GALNT13: variants seen among roughly 807,000 people sequenced by gnomAD.
GALNT13 encodes the protein polypeptide N-acetylgalactosaminyltransferase 13.
In GALNT13, 28 loss-of-function variants were observed where a neutral mutation model predicts 64.2. The observed-to-expected ratio is 0.44, with a 90% CI of 0.32 to 0.60. GALNT13 has a LOEUF of 0.60. Ranked by LOEUF, GALNT13 falls within the 20% of genes least tolerant of loss-of-function variation. The pLI is 0.05. For synonymous variants in GALNT13, 214 were observed against 224.6 expected (o/e 0.95, Z 0.42); for missense variants, 577 against 669.8 (o/e 0.86, Z 1.53).
At chr2:154,109,119 A>C (rs1249051551) in intron 3 of GALNT13, among the ~76,000 whole-genome samples, 1 of 152,110 alleles carries the variant, frequency 6.6e-6, no homozygotes, top group Non-Finnish European at 1.5e-5. Context: ...TGTTTAGATC[A>C]CTTTGGGTAG....
chr2:153,950,090 T>C lies in GALNT13; in HGVS notation c.142+5451T>C, dbSNP rs187482716. ...GCAAAAAAATTGATAAATTTGACTA[T>C]GTTAAACTTGAGAAAGTTAGTTCAT... is the stretch of plus-strand genomic sequence containing the variant. On this transcript the variant is annotated intron_variant, in intron 3 of 12. Coordinates refer to ENST00000392825, the MANE Select transcript of GALNT13 (RefSeq NM_052917.4). Among the ~76,000 whole-genome samples, 3 of 152,086 alleles carry C rather than the reference T, an allele frequency of 2.0e-5. No homozygotes were observed. In the East Asian group the frequency reaches 5.8e-4, roughly 29 times the overall value.
intron 7 of GALNT13, among the ~76,000 whole-genome samples, chr2:154,249,984 C>A (rs1045870836): frequency 3.3e-5 from 5 of 151,996 alleles, no homozygotes; most frequent in Non-Finnish European, 7.4e-5. Flanking sequence ...CATATATTAT[C>A]TCCTCTATCA....
At chr2:154,094,994 T>C (rs538626224) in intron 3 of GALNT13, among the ~76,000 whole-genome samples, 6 of 152,026 alleles carry the variant, frequency 3.9e-5, no homozygotes, top group African/African-American at 9.6e-5. Flanking sequence ...TGAATCCAGG[T>C]CCAGTTTAAA....
chr2:153,406,535 G>C, the GALNT13 span, among the ~76,000 whole-genome samples: 1 of 152,030 alleles, frequency 6.6e-6, no homozygotes, highest in Non-Finnish European at 1.5e-5. Flanking sequence ...AGTCACCTGA[G>C]TAGCTGGGAT....
In GALNT13 at chr2:154,383,002, G is replaced by A. The variant is rs972381824; in HGVS notation, c.1157-12989G>A. ...GTACTTTGGGGTTAGAAAAATCCAC[G>A]GGCCAAGACCTTAAATGATACCTCT... On this transcript the variant is annotated intron_variant, in intron 9 of 12. Transcript: ENST00000392825. Among the ~76,000 whole-genome samples, 8 of 151,746 alleles carry A rather than the reference G, an allele frequency of 5.3e-5. No individual in the cohort carries two copies. In the East Asian group the frequency reaches 1.2e-3, roughly 22 times the overall value.
intron 3 of GALNT13, among the ~76,000 whole-genome samples, chr2:153,999,900 T>C (rs1418233303): frequency 6.6e-6 from 1 of 151,796 alleles, no homozygotes; most frequent in Non-Finnish European, 1.5e-5. Flanking sequence ...GTATTAGTTC[T>C]TTTTTTTAAA....
At chr2:153,264,396 A>G in the GALNT13 span, among the ~76,000 whole-genome samples, 12 of 152,236 alleles carry the variant, frequency 7.9e-5, no homozygotes, top group South Asian at 1.7e-3. Context: ...TCAAAGACCT[A>G]GAGACAGAAA....
the GALNT13 span, among the ~76,000 whole-genome samples, chr2:153,072,772 G>C: frequency 6.6e-6 from 1 of 152,168 alleles, no homozygotes; most frequent in African/African-American, 2.4e-5. Context: ...TTCCCAATTA[G>C]TGATGTCCTT....
At chr2:153,655,038 G>T in the GALNT13 span, among the ~76,000 whole-genome samples, 2 of 152,078 alleles carry the variant, frequency 1.3e-5, no homozygotes, top group African/African-American at 4.8e-5. Context: ...CATGTAACTA[G>T]TATAACTTGC....
At chr2:153,892,850 T>C (rs900369961) in intron 1 of GALNT13, among the ~76,000 whole-genome samples, 6 of 152,068 alleles carry the variant, frequency 3.9e-5, no homozygotes, top group African/African-American at 1.4e-4. Flanking sequence ...GCTAGCCAAA[T>C]ACTCATTAAA....
chr2:154,113,345 C>T lies in GALNT13; in HGVS notation c.143-26992C>T, dbSNP rs375554084. On this transcript the variant is annotated intron_variant, in intron 3 of 12. Transcript: ENST00000392825. Reference sequence around the variant, plus strand: ...CTTGCACAGCAGCCTAGATCTGTTGCGGAGCCTTCTCCGCCTGGATTCCAC... The same window carrying T: ...CTTGCACAGCAGCCTAGATCTGTTGTGGAGCCTTCTCCGCCTGGATTCCAC... Among the ~76,000 whole-genome samples the T allele has an allele frequency of 1.5e-3, 235 of 152,306 alleles. 6 individuals are homozygous for T. In the South Asian group the frequency reaches 0.039, roughly 25 times the overall value.
intron 9 of GALNT13, among the ~76,000 whole-genome samples, chr2:154,333,272 T>C (rs928632602): frequency 8.5e-5 from 13 of 152,090 alleles, no homozygotes; most frequent in Admixed American, 5.9e-4. Context: ...CGAAACTATA[T>C]ATAAATGTAT....
intron 11 of GALNT13, among the ~76,000 whole-genome samples, chr2:154,417,161 T>C (rs1181254813): frequency 6.6e-6 from 1 of 151,838 alleles, no homozygotes; most frequent in Non-Finnish European, 1.5e-5. Flanking sequence ...ATTACTACAA[T>C]AATTTTCAGT....
the GALNT13 span, among the ~76,000 whole-genome samples, chr2:153,205,697 G>A: frequency 0.018 from 2,772 of 152,072 alleles, 33 homozygotes; most frequent in Non-Finnish European, 0.028. Flanking sequence ...CACACTAGGA[G>A]CTGCTTCATA....
chr2:153,793,035 G>C, the GALNT13 span, among the ~76,000 whole-genome samples: 11 of 146,474 alleles, frequency 7.5e-5, no homozygotes, highest in East Asian at 2.3e-3. Flanking sequence ...GCAGTGGTGC[G>C]ATCTCAGCTC....
chr2:154,340,864 G>T (rs1204296799), intron 9 of GALNT13, among the ~76,000 whole-genome samples: 1 of 150,950 alleles, frequency 6.6e-6, no homozygotes, highest in Non-Finnish European at 1.5e-5. Context: ...AGTTAAGTTA[G>T]GCAGTCACAG....
At chr2:153,628,952 T>A in the GALNT13 span, among the ~76,000 whole-genome samples, 2 of 152,180 alleles carry the variant, frequency 1.3e-5, no homozygotes, top group African/African-American at 4.8e-5. Flanking sequence ...TCTGGTAGAA[T>A]TCAGCTGTGA....
At chr2:153,154,415 T>G in the GALNT13 span, among the ~76,000 whole-genome samples, 3 of 152,140 alleles carry the variant, frequency 2.0e-5, no homozygotes, top group African/African-American at 7.2e-5. Context: ...TATAAATTAC[T>G]CAGTCTCAGG....
At chr2:153,138,055 T>C in the GALNT13 span, among the ~76,000 whole-genome samples, 92 of 152,230 alleles carry the variant, frequency 6.0e-4, no homozygotes, top group Non-Finnish European at 1.1e-3. Flanking sequence ...CTTTTTCAAA[T>C]ATTTGCTTAT....
Sources: allele counts gnomAD v4.1 joint callset (sites outside exome capture counted in the v4.1 genomes callset), GRCh38; gene constraint gnomAD v4.1.1; transcripts MANE v1.5; gene names NCBI Gene and HGNC (gene_info 2026-07-23, HGNC 2026-07-21).